Variants in SYTL2 observed in about 807,000 individuals in gnomAD.
SYTL2 encodes synaptotagmin-like protein 2.
SYTL2 carries 165 observed loss-of-function variants against 198.7 expected under a neutral mutation model. The observed-to-expected ratio is 0.83, with a 90% confidence interval of 0.73 to 0.94. The LOEUF is 0.94. Among genes scored for constraint, SYTL2 ranks in the 40% least tolerant of loss-of-function variants. SYTL2 has a pLI of 0.00. For synonymous variants in SYTL2, 966 were observed against 917.7 expected, an observed-to-expected ratio of 1.05 and a Z score of -0.95; for missense variants, 2,835 against 2,582.8, an observed-to-expected ratio of 1.10 and a Z score of -2.12.
At chr11:85,849,053 T>C in the SYTL2 span, among the ~76,000 whole-genome samples, 31 of 152,380 alleles carry the variant, frequency 2.0e-4, no homozygotes, top group African/African-American at 6.3e-4. Context: ...CATCCCATTT[T>C]ATAATACAAT....
the SYTL2 span, among the ~76,000 whole-genome samples, chr11:85,832,794 C>G: frequency 6.6e-6 from 1 of 151,250 alleles, no homozygotes; most frequent in African/African-American, 2.4e-5. Flanking sequence ...GAGTTCAAGA[C>G]CAGCCTGGGC....
intron 1 of SYTL2, among the ~76,000 whole-genome samples, chr11:85,799,161 T>C (rs148998550): frequency 6.6e-6 from 1 of 152,314 alleles, no homozygotes; most frequent in East Asian, 1.9e-4. Flanking sequence ...GAACATAACT[T>C]AGCACTTCAA....
In SYTL2 at chr11:85,734,215, C is replaced by G. The variant is rs1391192100; in HGVS notation, c.1114G>C (p.Ala372Pro). Residue 372 changes from alanine (A) to proline (P), a missense_variant, in exon 7 of 20, where the codon GCA becomes CCA. Coordinates refer to ENST00000359152, the MANE Select transcript of SYTL2 (RefSeq NM_206927.4). ...CTCTGAAACTCTTCTGTGTCCCCTG[C>G]ATCTTCCATTCCATTTTTCAATCTG... Reference protein sequence around the residue: ...SDRLKNGMEDAGDTEEFQSDP... With the variant: ...SDRLKNGMEDPGDTEEFQSDP... The G allele has an allele frequency of 1.2e-6, 2 of 1,614,104 alleles. No homozygotes were observed. Among genetic ancestry groups the G allele is most frequent in the Non-Finnish European group, 1.7e-6 (2 of 1,180,038 alleles).
chr11:85,697,518 T>A (rs1423131291), intron 18 of SYTL2, among the ~76,000 whole-genome samples: 2 of 152,238 alleles, frequency 1.3e-5, no homozygotes, highest in Non-Finnish European at 2.9e-5. Context: ...CCAAACTGTC[T>A]CAAGCTCTTA....
At chr11:85,751,121 T>C (rs2091485176) in intron 2 of SYTL2, among the ~76,000 whole-genome samples, 2 of 152,084 alleles carry the variant, frequency 1.3e-5, no homozygotes, top group Non-Finnish European at 2.9e-5. Context: ...AAGGAAAGGG[T>C]TTCTGGCTCA....
At chr11:85,755,715 CAT>C (rs758229198) in intron 2 of SYTL2, among the ~76,000 whole-genome samples, 73 of 152,282 alleles carry the variant, frequency 4.8e-4, no homozygotes, top group Non-Finnish European at 7.8e-4. Context: ...CAGACAGAAT[CAT>C]AGAACTACAG....
At chr11:85,831,910 C>T in the SYTL2 span, among the ~76,000 whole-genome samples, 1 of 145,108 alleles carries the variant, frequency 6.9e-6, no homozygotes, top group African/African-American at 2.4e-5. Context: ...CATAGGTATA[C>T]ATCCATGAAA....
intron 1 of SYTL2, among the ~76,000 whole-genome samples, chr11:85,789,324 ATGTGTG>A (rs1173699592): frequency 2.2e-4 from 17 of 77,292 alleles, no homozygotes; most frequent in East Asian, 1.2e-3. Flanking sequence ...GTGTGTGTGT[ATGTGTG>A]TGTGTGTGTG....
intron 1 of SYTL2, among the ~76,000 whole-genome samples, chr11:85,796,926 C>T (rs1349623374): frequency 3.3e-5 from 5 of 152,214 alleles, no homozygotes; most frequent in Admixed American, 6.5e-5. Context: ...TTTGGGCTCA[C>T]GCCTGCAATC....
the SYTL2 span, among the ~76,000 whole-genome samples, chr11:85,837,025 T>C: frequency 6.6e-6 from 1 of 152,224 alleles, no homozygotes; most frequent in African/African-American, 2.4e-5. Context: ...TTTCTGTAAT[T>C]AACCCAAAAA....
rs539621103 is a variant in SYTL2 at position 85,810,115 on chromosome 11, C to A, written c.-390+839G>T. ...ACCGGGCTTCCTCTGCACATCCCTGCCGGGCTGTGTGGCTCAGGGGGCTGA... is the reference window on the plus strand; with the variant it reads ...ACCGGGCTTCCTCTGCACATCCCTGACGGGCTGTGTGGCTCAGGGGGCTGA... On this transcript the variant is annotated intron_variant, in intron 1 of 19. Transcript: ENST00000359152. Among the ~76,000 whole-genome samples, 4 of 152,312 alleles carry A rather than the reference C, an allele frequency of 2.6e-5. No homozygotes were observed. The South Asian group carries it at 8.3e-4, about 32-fold the overall frequency.
At chr11:85,806,886 A>G (rs2153659845) in intron 1 of SYTL2, among the ~76,000 whole-genome samples, 1 of 152,378 alleles carries the variant, frequency 6.6e-6, no homozygotes, top group African/African-American at 2.4e-5. Flanking sequence ...GACTAAACCC[A>G]GATTGCACAG....
At chr11:85,702,124 A>G (rs1439387886) in intron 16 of SYTL2, among the ~76,000 whole-genome samples, 1 of 151,978 alleles carries the variant, frequency 6.6e-6, no homozygotes, top group Non-Finnish European at 1.5e-5. Flanking sequence ...TTGACAGGGA[A>G]CCTGTTAAAA....
At chr11:85,772,034 C>G (rs1242631755) in intron 1 of SYTL2, among the ~76,000 whole-genome samples, 1 of 152,292 alleles carries the variant, frequency 6.6e-6, no homozygotes, top group African/African-American at 2.4e-5. Flanking sequence ...TCCTAAACAG[C>G]TAGGCCTACA....
the SYTL2 span, among the ~76,000 whole-genome samples, chr11:85,840,272 C>T: frequency 1.3e-5 from 2 of 152,016 alleles, no homozygotes; most frequent in Admixed American, 6.6e-5. Context: ...TTCTTTGTTG[C>T]GCAAAAGCTT....
chr11:85,789,831 G>C (rs573939635), intron 1 of SYTL2, among the ~76,000 whole-genome samples: 12 of 152,224 alleles, frequency 7.9e-5, no homozygotes, highest in Admixed American at 6.5e-4. Context: ...TTGGTTTAGA[G>C]AGAAGGCCAA....
At chr11:85,757,468 A>G (rs1032536271) in intron 2 of SYTL2, among the ~76,000 whole-genome samples, 157 bp downstream of exon 2, 11 of 152,204 alleles carry the variant, frequency 7.2e-5, no homozygotes, top group Non-Finnish European at 1.6e-4. Context: ...ACCAAGAGGA[A>G]AAATGTTTTG....
Position 85,725,046 on chromosome 11 carries a change from C to T in SYTL2, c.4312G>A (p.Val1438Ile), listed in dbSNP as rs2088929647. 6.2e-7 allele frequency: 1 copy of T among 1,614,176 alleles called. No homozygotes were observed. Among genetic ancestry groups the T allele is most frequent in the Non-Finnish European group, 8.5e-7 (1 of 1,180,020 alleles). The change falls in exon 8 of 20, where the codon GTA becomes ATA. Residue 1438 changes from valine (V) to isoleucine (I), a missense_variant. By Grantham distance (29) the Val-to-Ile change is conservative. This residue lies in a region of SYTL2 where 2,645 missense variants were observed against 2,381.7 expected (regional missense o/e 1.11). Coordinates refer to ENST00000359152, the MANE Select transcript of SYTL2 (RefSeq NM_206927.4). ...ACTTCATGAGTTTTATCAGGAACTA[C>T]ATTGGAGGAATAAAAATCCTTCCTG... Reference protein sequence around the residue: ...PDRKDFYSSNVVPDKTHEVGS... With the variant: ...PDRKDFYSSNIVPDKTHEVGS...
intron 7 of SYTL2, among the ~76,000 whole-genome samples, chr11:85,732,614 G>C (rs920375458): frequency 2.0e-5 from 3 of 152,016 alleles, no homozygotes; most frequent in Non-Finnish European, 4.4e-5. Context: ...GGGTGGGGAG[G>C]GACTGCATTA....
Sources: allele counts gnomAD v4.1 joint callset (sites outside exome capture counted in the v4.1 genomes callset), GRCh38; gene constraint gnomAD v4.1.1; regional missense constraint gnomAD v4.1.1; transcripts MANE v1.5; gene names NCBI Gene and HGNC (gene_info 2026-07-23, HGNC 2026-07-21).